The following OSGIN2 variants were observed in gnomAD, a reference collection of about 807,000 sequenced individuals.
The protein encoded by OSGIN2 is oxidative stress-induced growth inhibitor 2.
A neutral mutation model predicts 53.8 loss-of-function variants in OSGIN2; 19 were observed. That is an observed-to-expected ratio of 0.35 (90% CI 0.25 to 0.52). The LOEUF (loss-of-function observed/expected upper bound fraction) is 0.52. Among genes scored for constraint, OSGIN2 ranks in the 20% least tolerant of loss-of-function variants. The pLI is 0.95. For missense variants in OSGIN2, 520 were observed against 662.7 expected, an observed-to-expected ratio of 0.78 and a Z score of 2.36; for synonymous variants, 236 against 236.0, an observed-to-expected ratio of 1.00 and a Z score of 0.00.
Position 89,925,876 on chromosome 8 carries a change from G to C in OSGIN2, c.*344G>C, listed in dbSNP as rs527379581. ...AGTACAGCCTTGAATCTATAAAACTGTGCAGTCATTATGCCAGAAATTATC... is the reference window on the plus strand; with the variant it reads ...AGTACAGCCTTGAATCTATAAAACTCTGCAGTCATTATGCCAGAAATTATC... On this transcript the variant is annotated 3_prime_UTR_variant, in exon 6 of 6. Coordinates refer to ENST00000451899, the MANE Select transcript of OSGIN2 (RefSeq NM_001126111.3). 2 of 200,660 alleles carry C rather than the reference G, an allele frequency of 1.0e-5. No individual in the cohort carries two copies. Among genetic ancestry groups the C allele is most frequent in the African/African-American group, 4.7e-5 (2 of 42,860 alleles). The allele number at this position is 200,660 out of a possible 1,614,324, so 12.4% of individuals were successfully genotyped here. A position where few individuals can be genotyped will look rare whatever the true frequency, so the allele number is the denominator to read the frequency against.
intron 1 of OSGIN2, among the ~76,000 whole-genome samples, chr8:89,905,113 T>C (rs1290541546): frequency 2.0e-5 from 3 of 152,218 alleles, no homozygotes; most frequent in Non-Finnish European, 2.9e-5. Context: ...AGTACTGCTA[T>C]GGTATGGAAA....
chr8:89,905,112 A>G (rs1490306749), intron 1 of OSGIN2, among the ~76,000 whole-genome samples: 3 of 152,344 alleles, frequency 2.0e-5, no homozygotes, highest in Admixed American at 2.0e-4. Flanking sequence ...AAGTACTGCT[A>G]TGGTATGGAA....
chr8:89,922,815 G>A (rs1385247550), intron 5 of OSGIN2, among the ~76,000 whole-genome samples: 1 of 152,058 alleles, frequency 6.6e-6, no homozygotes, highest in African/African-American at 2.4e-5. Context: ...ACAAACCTCC[G>A]TGGTATAGCC....
intron 4 of OSGIN2, among the ~76,000 whole-genome samples, chr8:89,916,153 T>G (rs894456736): frequency 1.3e-5 from 2 of 152,222 alleles, no homozygotes; most frequent in African/African-American, 4.8e-5. Context: ...GCATTTAGAC[T>G]GCCTTCTCTG....
chr8:89,910,543 G>A (rs1287492384), intron 2 of OSGIN2, among the ~76,000 whole-genome samples: 2 of 152,120 alleles, frequency 1.3e-5, no homozygotes, highest in Admixed American at 6.5e-5. Flanking sequence ...GAGGAAAAGA[G>A]GAGAGCAAGA....
chr8:89,913,263 A>C (rs1387468290), intron 2 of OSGIN2, among the ~76,000 whole-genome samples: 1 of 152,194 alleles, frequency 6.6e-6, no homozygotes, highest in Non-Finnish European at 1.5e-5. Context: ...CCTTGCTTTA[A>C]GGTTAAACTA....
chr8:89,927,821 A>G lies in OSGIN2; in HGVS notation c.*2289A>G, dbSNP rs1232620269. The G allele has an allele frequency of 6.6e-6, 1 of 152,240 alleles. No homozygotes were observed. The highest frequency in any genetic ancestry group is 1.5e-5 in the Non-Finnish European group (1 of 68,038). The allele number at this position is 152,240 out of a possible 1,614,324, so 9.4% of individuals were successfully genotyped here. On this transcript the variant is annotated 3_prime_UTR_variant, in exon 6 of 6. Coordinates refer to ENST00000451899, the MANE Select transcript of OSGIN2 (RefSeq NM_001126111.3). The stretch of plus-strand genomic sequence containing the variant: ...GCATCAAATTTTAGTTGATTGTATT[A>G]GTCAATAGGAAGTGGTGGAAAATTT...
rs1809307519 is a variant in OSGIN2 at position 89,925,552 on chromosome 8, A to C, written c.*20A>C. 1 of 1,585,772 alleles carries C rather than the reference A, an allele frequency of 6.3e-7. No individual in the cohort carries two copies. Among genetic ancestry groups the C allele is most frequent in the African/African-American group, 1.4e-5 (1 of 73,912 alleles). On this transcript the variant is annotated 3_prime_UTR_variant, in exon 6 of 6. Transcript: ENST00000451899. ...GCTTAAAGCAAGTTTACAAGTAATT[A>C]AAATGGACAGTTTGCCATTAAAGAT...
intron 4 of OSGIN2, among the ~76,000 whole-genome samples, chr8:89,919,384 T>G (rs1809150319): frequency 6.6e-6 from 1 of 152,184 alleles, no homozygotes; most frequent in South Asian, 2.1e-4. Flanking sequence ...CACTGGTGCG[T>G]GGTGTCGAGG....
rs1159577873 is a variant in OSGIN2 at position 89,923,301 on chromosome 8, GTTGA to G, written c.621-1197_621-1194del. On this transcript the variant is annotated intron_variant, in intron 5 of 5. Coordinates refer to ENST00000451899, the MANE Select transcript of OSGIN2 (RefSeq NM_001126111.3). Reference sequence around the variant, plus strand: ...ACCATTGTTGTATATGCTATCCTTTGTTGATTGAATTATGTGACACATGACTGAA... The same window carrying G: ...ACCATTGTTGTATATGCTATCCTTTGTTGAATTATGTGACACATGACTGAA... 2.0e-5 allele frequency among the ~76,000 whole-genome samples: 3 copies of G among 152,170 alleles called. No individual in the cohort carries two copies. The South Asian group carries it at 6.2e-4, about 32-fold the overall frequency.
intron 4 of OSGIN2, among the ~76,000 whole-genome samples, chr8:89,915,271 C>T (rs1809054299): frequency 6.6e-6 from 1 of 152,150 alleles, no homozygotes; most frequent in African/African-American, 2.4e-5. Flanking sequence ...CTGGTAAAGG[C>T]CCTCTTCCTA....
intron 1 of OSGIN2, among the ~76,000 whole-genome samples, chr8:89,907,837 A>G (rs575351250): frequency 6.6e-6 from 1 of 152,320 alleles, no homozygotes; most frequent in East Asian, 1.9e-4. Context: ...GTATCTATAA[A>G]TTGCTTTGGG....
chr8:89,906,226 C>T (rs1808836386), intron 1 of OSGIN2, among the ~76,000 whole-genome samples: 1 of 152,144 alleles, frequency 6.6e-6, no homozygotes, highest in South Asian at 2.1e-4. Flanking sequence ...TTCCCTGGAC[C>T]ACATTGGAAG....
chr8:89,905,893 C>T (rs1318136941), intron 1 of OSGIN2, among the ~76,000 whole-genome samples: 9 of 152,130 alleles, frequency 5.9e-5, no homozygotes, highest in Non-Finnish European at 1.2e-4. Flanking sequence ...TGTACATTAA[C>T]ACTGAATAAT....
intron 5 of OSGIN2, among the ~76,000 whole-genome samples, chr8:89,923,787 A>C (rs1463263356): frequency 6.6e-6 from 1 of 152,216 alleles, no homozygotes; most frequent in East Asian, 1.9e-4. Flanking sequence ...GAGCATCCAC[A>C]TCATGAATTA....
chr8:89,909,037 A>AAAAAAT (rs1554550040), intron 1 of OSGIN2, among the ~76,000 whole-genome samples: 1 of 84,900 alleles, frequency 1.2e-5, no homozygotes, highest in Admixed American at 1.3e-4. Flanking sequence ...AAAAAAAAAA[A>AAAAAAT]ATATATATAT....
chr8:89,902,934 G>C lies in OSGIN2; in HGVS notation c.44+97G>C, dbSNP rs971861365. On this transcript the variant is annotated intron_variant, in intron 1 of 5. Transcript: ENST00000451899. ...GGGCCGGGACCGGGGTGGAGGGCGA[G>C]CGCCTGGACCGCAGCGTCCTCCCGC... The C allele has an allele frequency of 1.1e-5, 9 of 846,876 alleles. No individual in the cohort carries two copies. In the South Asian group the frequency reaches 3.0e-4, roughly 28 times the overall value. The allele number at this position is 846,876 out of a possible 1,614,324, so 52.5% of individuals were successfully genotyped here. A position where few individuals can be genotyped will look rare whatever the true frequency, so the allele number is the denominator to read the frequency against.
At chr8:89,914,807 T>G in intron 4 of OSGIN2, 61 bp downstream of exon 4, 1 of 1,157,296 alleles carries the variant, frequency 8.6e-7, no homozygotes, top group South Asian at 1.3e-5. Flanking sequence ...TAAGACCAAC[T>G]TTATTCTTAA....
At position 89,925,581 on chromosome 8, in the gene OSGIN2, T is replaced by A. The variant is rs1809308238; in HGVS notation, c.*49T>A. On this transcript the variant is annotated 3_prime_UTR_variant, in exon 6 of 6. Coordinates refer to ENST00000451899, the MANE Select transcript of OSGIN2 (RefSeq NM_001126111.3). Reference sequence around the variant, plus strand: ...TGGACAGTTTGCCATTAAAGATTTTTAATAGTGGTTTTGCAGTGTACTGGC... The same window carrying A: ...TGGACAGTTTGCCATTAAAGATTTTAAATAGTGGTTTTGCAGTGTACTGGC... The A allele has an allele frequency of 6.8e-7, 1 of 1,471,178 alleles. No homozygotes were observed. The highest frequency in any genetic ancestry group is 9.3e-7 in the Non-Finnish European group (1 of 1,076,858). 91.1% of individuals were successfully genotyped at this position (1,471,178 alleles called of 1,614,324 possible).
Sources: allele counts gnomAD v4.1 joint callset (sites outside exome capture counted in the v4.1 genomes callset), GRCh38; gene constraint gnomAD v4.1.1; transcripts MANE v1.5; gene names NCBI Gene and HGNC (gene_info 2026-07-23, HGNC 2026-07-21).